The following BMPR1B variants were observed in gnomAD, a reference collection of about 807,000 sequenced individuals.
The protein encoded by BMPR1B is bone morphogenetic protein receptor type 1B.
A neutral mutation model predicts 59.1 loss-of-function variants in BMPR1B; 12 were observed. That is an observed-to-expected ratio of 0.20 (90% CI 0.13 to 0.33). The LOEUF (loss-of-function observed/expected upper bound fraction) is 0.33, where lower values mean the gene tolerates loss of function less well. Among genes scored for constraint, BMPR1B ranks in the 10% least tolerant of loss-of-function variants. BMPR1B has a pLI of 1.00. For missense variants in BMPR1B, 550 were observed against 610.9 expected (o/e 0.90, Z 1.05); for synonymous variants, 237 against 207.3 (o/e 1.14, Z -1.23).
At chr4:95,036,943 C>CACTAAA (rs1167894116) in intron 3 of BMPR1B, among the ~76,000 whole-genome samples, 1 of 152,088 alleles carries the variant, frequency 6.6e-6, no homozygotes, top group Non-Finnish European at 1.5e-5. Flanking sequence ...TGGATGCTGC[C>CACTAAA]ACTAAAACTG....
At chr4:94,988,202 C>G (rs1362984594) in intron 2 of BMPR1B, among the ~76,000 whole-genome samples, 1 of 151,868 alleles carries the variant, frequency 6.6e-6, no homozygotes, top group African/African-American at 2.4e-5. Context: ...TCCTTCATGT[C>G]ATATAAATAT....
chr4:95,136,824 C>A (rs1733829051), intron 10 of BMPR1B, among the ~76,000 whole-genome samples: 1 of 151,912 alleles, frequency 6.6e-6, no homozygotes, highest in Non-Finnish European at 1.5e-5. Context: ...GTCTTTCTAG[C>A]AGTCTTATCA....
At chr4:94,923,939 A>T (rs1420932838) in intron 2 of BMPR1B, among the ~76,000 whole-genome samples, 2 of 152,048 alleles carry the variant, frequency 1.3e-5, no homozygotes, top group African/African-American at 4.8e-5. Flanking sequence ...ACATGCATAA[A>T]CCACTCTTGA....
chr4:94,794,379 T>A (rs1002690056), intron 1 of BMPR1B, among the ~76,000 whole-genome samples: 10 of 151,512 alleles, frequency 6.6e-5, no homozygotes, highest in African/African-American at 2.4e-4. Flanking sequence ...TTGATCTATA[T>A]CTCTGTTTTG....
At chr4:94,910,932 G>C (rs1728248466) in intron 2 of BMPR1B, among the ~76,000 whole-genome samples, 1 of 151,912 alleles carries the variant, frequency 6.6e-6, no homozygotes, top group Admixed American at 6.6e-5. Context: ...CCCCAAAATT[G>C]AGACAATTCA....
intron 1 of BMPR1B, among the ~76,000 whole-genome samples, chr4:94,817,400 G>A (rs966523445): frequency 3.9e-5 from 6 of 152,036 alleles, no homozygotes; most frequent in Non-Finnish European, 7.4e-5. Context: ...TAAATAATAC[G>A]TTATATCAGT....
rs1723521792 is a variant in BMPR1B at position 94,804,285 on chromosome 4, G to C, written c.-183+46217G>C. Among the ~76,000 whole-genome samples, 10 of 152,284 alleles carry C rather than the reference G, an allele frequency of 6.6e-5. No individual in the cohort carries two copies. The South Asian group carries it at 2.1e-3, about 32-fold the overall frequency. ...TCAAACTGTATCTTGTAGGATTGAT[G>C]AATAGGAAGTTTAAAATTATTCATT... On this transcript the variant is annotated intron_variant, in intron 1 of 12. Transcript: ENST00000515059.
At chr4:95,148,080 A>G (rs1734772315) in intron 10 of BMPR1B, among the ~76,000 whole-genome samples, 1 of 152,254 alleles carries the variant, frequency 6.6e-6, no homozygotes, top group South Asian at 2.1e-4. Context: ...TCATAAAACA[A>G]TAGTGATAGC....
chr4:95,028,713 G>A (rs926596131), intron 3 of BMPR1B, among the ~76,000 whole-genome samples: 7 of 152,008 alleles, frequency 4.6e-5, no homozygotes. Context: ...CCTTGTTTGT[G>A]GTAGATGTAT....
At chr4:94,798,733 G>A (rs1723285829) in intron 1 of BMPR1B, among the ~76,000 whole-genome samples, 2 of 152,128 alleles carry the variant, frequency 1.3e-5, no homozygotes, top group South Asian at 2.1e-4. Context: ...ATAAACTGAG[G>A]TGTTGACAGT....
chr4:95,098,074 G>T (rs1730558464), intron 3 of BMPR1B, among the ~76,000 whole-genome samples: 1 of 151,882 alleles, frequency 6.6e-6, no homozygotes, highest in South Asian at 2.1e-4. Flanking sequence ...AGTATATTAG[G>T]ATACTAATAT....
chr4:95,080,748 A>T (rs1386469158), intron 3 of BMPR1B, among the ~76,000 whole-genome samples: 1 of 152,194 alleles, frequency 6.6e-6, no homozygotes, highest in Non-Finnish European at 1.5e-5. Context: ...CAGTGAAAAC[A>T]ACCAACCAAA....
chr4:95,130,437 A>G (rs551948457), intron 9 of BMPR1B, among the ~76,000 whole-genome samples: 1 of 152,250 alleles, frequency 6.6e-6, no homozygotes, highest in South Asian at 2.1e-4. Flanking sequence ...TTATATTGAG[A>G]ATTGATTTTG....
At chr4:94,891,230 T>C (rs1727381759) in intron 2 of BMPR1B, among the ~76,000 whole-genome samples, 2 of 152,124 alleles carry the variant, frequency 1.3e-5, no homozygotes, top group African/African-American at 4.8e-5. Context: ...TCCACTTACA[T>C]CTTATTGCTG....
At chr4:95,071,632 T>G (rs889872089) in intron 3 of BMPR1B, among the ~76,000 whole-genome samples, 60 of 118,200 alleles carry the variant, frequency 5.1e-4, no homozygotes, top group Middle Eastern at 0.01. Flanking sequence ...ATATGTGTGT[T>G]TGTGTGTGTG....
intron 1 of BMPR1B, among the ~76,000 whole-genome samples, chr4:94,817,446 G>C (rs1724052293): frequency 6.6e-6 from 1 of 152,018 alleles, no homozygotes; most frequent in Non-Finnish European, 1.5e-5. Context: ...TTCCTGCTTT[G>C]ATGAGTTCAG....
At chr4:94,870,457 A>C (rs777415001) in intron 1 of BMPR1B, among the ~76,000 whole-genome samples, 3 of 152,114 alleles carry the variant, frequency 2.0e-5, no homozygotes, top group East Asian at 3.8e-4. Flanking sequence ...TGTGATGGTT[A>C]TGGAGTTTCT....
chr4:94,978,408 A>C (rs948255959), intron 2 of BMPR1B, among the ~76,000 whole-genome samples: 1 of 152,216 alleles, frequency 6.6e-6, no homozygotes, highest in African/African-American at 2.4e-5. Flanking sequence ...CTGTCCAGGC[A>C]TCTCTTTATT....
chr4:95,144,053 A>G (rs1237793989), intron 10 of BMPR1B, among the ~76,000 whole-genome samples: 2 of 151,728 alleles, frequency 1.3e-5, no homozygotes, highest in African/African-American at 2.4e-5. Context: ...ACCCTAGGCT[A>G]GAAGAACAGA....
Sources: gnomAD v4.1 joint callset for allele counts (sites outside exome capture counted in the v4.1 genomes callset) on GRCh38, gnomAD v4.1.1 for gene constraint, MANE v1.5 for transcripts, NCBI Gene and HGNC (gene_info 2026-07-23, HGNC 2026-07-21) for gene names.